Variants in OGG1 observed in about 807,000 individuals in gnomAD.
The protein encoded by OGG1 is N-glycosylase/DNA lyase.
A neutral mutation model predicts 42.3 loss-of-function variants in OGG1; 35 were observed. That is an observed-to-expected ratio of 0.83 (90% confidence interval 0.63 to 1.10). The LOEUF is 1.10. OGG1 is among the 50% of genes least tolerant of loss of function. The probability of loss-of-function intolerance (pLI) is 0.00; values close to 1 mark genes in which losing one functional copy is unlikely to be tolerated. For missense variants in OGG1, 484 were observed against 446.7 expected (o/e 1.08, Z -0.75); for synonymous variants, 189 against 179.0 (o/e 1.06, Z -0.44).
chr3:9,761,662 G>A (rs1380391266), downstream of OGG1: 2 of 1,614,040 alleles, frequency 1.2e-6, no homozygotes, highest in East Asian at 2.2e-5. Flanking sequence ...AGGCGGTGGA[G>A]AGCACACTGC....
exon 4 of OGG1, chr3:9,787,891 G>A (rs2078653452): frequency 2.6e-6 from 1 of 391,278 alleles, no homozygotes; most frequent in African/African-American, 2.1e-5. Flanking sequence ...AGTCTGTCAA[G>A]GAGACAAGAG....
intron 3 of OGG1, chr3:9,785,290 T>G (rs1300088333): frequency 1.3e-6 from 2 of 1,569,174 alleles, no homozygotes; most frequent in Non-Finnish European, 1.8e-6. Context: ...GGCCAGACTG[T>G]GGGTTGTGGA....
intron 2 of OGG1, among the ~76,000 whole-genome samples, chr3:9,776,903 A>G (rs1192987956): frequency 6.6e-6 from 1 of 152,202 alleles, no homozygotes; most frequent in Non-Finnish European, 1.5e-5. Context: ...TGGGGAGTTT[A>G]TTGATACCTA....
chr3:9,750,376 C>G lies in OGG1; in HGVS notation c.90C>G (p.Arg30=). The change falls in exon 1 of 7, where the codon CGC becomes CGG. Residue 30 remains arginine, a synonymous_variant. Coordinates refer to ENST00000344629, the MANE Select transcript of OGG1 (RefSeq NM_002542.6). The part of the protein sequence containing the change: ...PALWASIPCP[R]SELRLDLVLP... The stretch of plus-strand genomic sequence containing the variant: ...TGTGGGCCTCCATCCCGTGCCCTCG[C>G]TCTGAGCTGCGCCTGGACCTGGTTC... The G allele has an allele frequency of 6.2e-7, 1 of 1,614,112 alleles. No homozygotes were observed. The highest frequency in any genetic ancestry group is 8.5e-7 in the Non-Finnish European group (1 of 1,180,036).
At chr3:9,774,422 A>C (rs898829222) in intron 2 of OGG1, among the ~76,000 whole-genome samples, 1 of 151,322 alleles carries the variant, frequency 6.6e-6, no homozygotes, top group African/African-American at 2.4e-5. Context: ...AAAAAAAAAA[A>C]AAAAAACAAA....
At chr3:9,770,653 C>G (rs754180429), downstream of OGG1, among the ~76,000 whole-genome samples, 1 of 152,152 alleles carries the variant, frequency 6.6e-6, no homozygotes, top group Admixed American at 6.5e-5. Context: ...CGAGGTGTCA[C>G]GTGACTGGCG....
chr3:9,785,012 C>G (rs1256404356), intron 3 of OGG1, among the ~76,000 whole-genome samples: 1 of 152,160 alleles, frequency 6.6e-6, no homozygotes, highest in Non-Finnish European at 1.5e-5. Flanking sequence ...TTTCTCTATA[C>G]TTGCAGCTAT....
Position 9,787,410 on chromosome 3 carries a change from C to T in OGG1, c.383-318C>T, listed in dbSNP as rs186339212. ...CAGCCATGCTTCATTCATTCATTCA[C>T]TTACCTATCTTATATCTCTCTCAAG... On this transcript the variant is annotated intron_variant, in intron 3 of 3. Transcript: ENST00000426518. 1,290 of 1,528,520 alleles carry T rather than the reference C, an allele frequency of 8.4e-4. 2 individuals carry two copies. The highest frequency in any genetic ancestry group is 1.0e-3 in the Admixed American group (46 of 46,190). The allele number at this position is 1,528,520 out of a possible 1,614,324, so 94.7% of individuals were successfully genotyped here. A position where few individuals can be genotyped will look rare whatever the true frequency, so the allele number is the denominator to read the frequency against.
intron 3 of OGG1, among the ~76,000 whole-genome samples, chr3:9,786,313 T>C (rs1481354841): frequency 6.6e-6 from 1 of 152,188 alleles, no homozygotes; most frequent in Non-Finnish European, 1.5e-5. Context: ...AAGGCCACCG[T>C]CAGCTGGGGT....
chr3:9,757,959 G>A, downstream of OGG1: 3 of 1,482,590 alleles, frequency 2.0e-6, no homozygotes, highest in Non-Finnish European at 1.8e-6. This position sits in a 1 kb window ranked among gnomAD's most constrained non-coding sequence, Gnocchi z 4.5. Flanking sequence ...TCATTCAGGA[G>A]TTATTTTATT....
In OGG1 at chr3:9,757,379, C is replaced by G. The variant is rs761246659; in HGVS notation, c.*229C>G. 1.2e-6 allele frequency: 2 copies of G among 1,613,158 alleles called. No individual in the cohort carries two copies. The highest frequency in any genetic ancestry group is 3.3e-5 in the Admixed American group (2 of 59,840). On this transcript the variant is annotated 3_prime_UTR_variant, in exon 7 of 7. Transcript: ENST00000344629. The surrounding 1 kb of genome is among the most constrained non-coding windows in gnomAD (Gnocchi z 4.5). The stretch of plus-strand genomic sequence containing the variant: ...ATCTTCCCTTTATTACAAGAAGGAA[C>G]AATAAAATAGAAACATTTGTATGGA...
intron 3 of OGG1, chr3:9,785,570 A>C: frequency 1.7e-6 from 1 of 582,554 alleles, no homozygotes; most frequent in Non-Finnish European, 3.1e-6. Flanking sequence ...TCCCATACCA[A>C]TCCCAAATTG....
chr3:9,751,429 C>T (rs2471894), intron 2 of OGG1, among the ~76,000 whole-genome samples: 1 of 152,192 alleles, frequency 6.6e-6, no homozygotes, highest in Admixed American at 6.5e-5. Context: ...GAGCCCATTC[C>T]TGGTTGTGTG....
rs370619002 is a variant in OGG1 at position 9,785,382 on chromosome 3, A to G, written c.383-2346A>G. 5.0e-5 allele frequency: 81 copies of G among 1,613,956 alleles called. No homozygotes were observed. Among genetic ancestry groups the G allele is most frequent in the Non-Finnish European group, 6.7e-5 (79 of 1,179,970 alleles). On this transcript the variant is annotated intron_variant, in intron 3 of 3. Coordinates refer to the OGG1 transcript ENST00000426518. The stretch of plus-strand genomic sequence containing the variant: ...GTCAGCCCCTGATTCTTTCCCAGAC[A>G]TGTCAGGAATAGGAGAATCCTCCAT...
chr3:9,767,448 G>A (rs2078184943), downstream of OGG1, among the ~76,000 whole-genome samples: 1 of 152,260 alleles, frequency 6.6e-6, no homozygotes, highest in South Asian at 2.1e-4. Flanking sequence ...TCATTCTCTC[G>A]ACTTCTTTCT....
chr3:9,781,899 G>A (rs2078478471), intron 3 of OGG1, among the ~76,000 whole-genome samples: 1 of 143,076 alleles, frequency 7.0e-6, no homozygotes, highest in South Asian at 2.2e-4. Flanking sequence ...GAGTACAGTG[G>A]CCTGATCAAG....
downstream of OGG1, chr3:9,789,595 G>A (rs139705343): frequency 1.2e-6 from 2 of 1,613,962 alleles, no homozygotes; most frequent in African/African-American, 2.7e-5. Flanking sequence ...GCACAGTAGG[G>A]CTCCACTGAA....
chr3:9,766,195 G>A (rs972468018), exon 8 of OGG1: 6 of 789,750 alleles, frequency 7.6e-6, no homozygotes, highest in Non-Finnish European at 1.3e-5. Flanking sequence ...GATCATCTTT[G>A]CCACCACCTG....
downstream of OGG1, chr3:9,760,652 A>C (rs377198670): frequency 6.2e-7 from 1 of 1,613,866 alleles, no homozygotes; most frequent in South Asian, 1.1e-5. Flanking sequence ...AAAGCCCCAA[A>C]TACCAGAGTC....
Sources: gnomAD v4.1 joint callset for allele counts (sites outside exome capture counted in the v4.1 genomes callset) on GRCh38, gnomAD v4.1.1 for gene constraint, Gnocchi (gnomAD v3.1) non-coding constraint, MANE v1.5 for transcripts, NCBI Gene and HGNC (gene_info 2026-07-23, HGNC 2026-07-21) for gene names.